The following RREB1 variants were observed in gnomAD, a reference collection of about 807,000 sequenced individuals.
The protein encoded by RREB1 is ras-responsive element-binding protein 1.
Under a neutral mutation model 117.8 loss-of-function variants are expected in RREB1, and 27 were observed. The observed-to-expected ratio is 0.23, with a 90% confidence interval of 0.17 to 0.32. RREB1 has a LOEUF of 0.32. Among genes scored for constraint, RREB1 ranks in the 10% least tolerant of loss-of-function variants. RREB1 has a pLI of 1.00. For synonymous variants in RREB1, 1,298 were observed against 1,026.7 expected (o/e 1.26, Z -5.05); for missense variants, 2,577 against 2,378.2 (o/e 1.08, Z -1.74).
At chr6:7,203,622 C>T (rs1287313288) in intron 6 of RREB1, among the ~76,000 whole-genome samples, 1 of 152,118 alleles carries the variant, frequency 6.6e-6, no homozygotes, top group Non-Finnish European at 1.5e-5. Context: ...AAAGCGTTTG[C>T]TTATAAGGAA....
Position 7,246,415 on chromosome 6 carries a change from G to T in RREB1, c.3974-9G>T, listed in dbSNP as rs149294211. 1.4e-6 allele frequency: 2 copies of T among 1,470,150 alleles called. No homozygotes were observed. Among genetic ancestry groups the T allele is most frequent in the Non-Finnish European group, 1.8e-6 (2 of 1,108,238 alleles). 91.1% of individuals were successfully genotyped at this position (1,470,150 alleles called of 1,614,324 possible). On this transcript the variant is annotated splice_polypyrimidine_tract_variant and intron_variant, in intron 11 of 12. Transcript: ENST00000379938. ...CCTCTGAGCCCTCCCCGCTGTGCTT[G>T]CCCCACAGACAGTCAGTCGGATGCG...
At chr6:7,233,264 T>C (rs951423506) in intron 10 of RREB1, among the ~76,000 whole-genome samples, 5 of 152,364 alleles carry the variant, frequency 3.3e-5, no homozygotes, top group African/African-American at 1.2e-4. Flanking sequence ...AGGATAGGAA[T>C]ATACTTTAAA....
rs772248690 is a variant in RREB1 at position 7,182,030 on chromosome 6, T to C, written c.119T>C (p.Ile40Thr). The change falls in exon 4 of 13, where the codon ATC (isoleucine) becomes ACC (threonine). Residue 40 changes from isoleucine to threonine, a missense_variant. By Grantham distance (89) the Ile-to-Thr change is moderately conservative. Coordinates refer to ENST00000379938, the MANE Select transcript of RREB1 (RefSeq NM_001003699.4). ...VTENGGSPQG[I>T]KSPSKPPGPN... ...GAGAATGGCGGGAGCCCCCAGGGGA[T>C]CAAGTCCCCCTCGAAGCCTCCAGGA... 5 of 1,613,776 alleles carry C rather than the reference T, an allele frequency of 3.1e-6. No individual in the cohort carries two copies. The highest frequency in any genetic ancestry group is 4.2e-6 in the Non-Finnish European group (5 of 1,179,904).
At chr6:7,121,548 T>G (rs535062608) in intron 1 of RREB1, among the ~76,000 whole-genome samples, 1 of 152,250 alleles carries the variant, frequency 6.6e-6, no homozygotes, top group African/African-American at 2.4e-5. Context: ...ACATAGTTCA[T>G]TCAGTCAGCA....
chr6:7,189,020 A>G (rs1765253969), intron 5 of RREB1, 139 bp from the exon 6 acceptor site: 15 of 759,906 alleles, frequency 2.0e-5, no homozygotes, highest in East Asian at 2.9e-5. Flanking sequence ...CCCTTCAGAA[A>G]GATATTTAAA....
intron 10 of RREB1, 105 bp from the exon 11 acceptor site, chr6:7,240,333 A>T: frequency 2.7e-6 from 2 of 745,750 alleles, no homozygotes; most frequent in Non-Finnish European, 4.2e-6. Context: ...GGGATGGAGG[A>T]GGGGGGAACA....
rs865926009 is a variant in RREB1 at position 7,231,439 on chromosome 6, A to G, written c.3340A>G (p.Thr1114Ala). ...LGGSVPKAAT[T>A]ATPAATTSPK... ...AGGTTCTGTCCCCAAAGCCGCCACCACCGCCACCCCCGCTGCCACCACCAG... is the reference window on the plus strand; with the variant it reads ...AGGTTCTGTCCCCAAAGCCGCCACCGCCGCCACCCCCGCTGCCACCACCAG... The change falls in exon 10 of 13, where the codon ACC (threonine) becomes GCC (alanine). Residue 1114 changes from threonine (T) to alanine (A), a missense_variant. Thr to Ala is a moderately conservative substitution (Grantham distance 58, BLOSUM62 0). Coordinates refer to ENST00000379938, the MANE Select transcript of RREB1 (RefSeq NM_001003699.4). The G allele has an allele frequency of 1.9e-6, 3 of 1,612,400 alleles. No homozygotes were observed. The highest frequency in any genetic ancestry group is 2.5e-6 in the Non-Finnish European group (3 of 1,179,594).
At position 7,196,151 on chromosome 6, in the gene RREB1, G is replaced by A. The variant is rs540183349; in HGVS notation, c.425+6829G>A. Among the ~76,000 whole-genome samples the A allele has an allele frequency of 5.9e-5, 9 of 151,668 alleles. No homozygotes were observed. The East Asian group carries it at 1.8e-3, about 30-fold the overall frequency. On this transcript the variant is annotated intron_variant, in intron 6 of 12. Transcript: ENST00000379938. Reference sequence around the variant, plus strand: ...CTCTTCCAGATGAGCCCAGCCCTCCGGTGTTGCCTGCTTGAGGCAGATCTG... The same window carrying A: ...CTCTTCCAGATGAGCCCAGCCCTCCAGTGTTGCCTGCTTGAGGCAGATCTG...
intron 6 of RREB1, among the ~76,000 whole-genome samples, chr6:7,199,141 T>C (rs1245941968): frequency 3.9e-5 from 6 of 152,236 alleles, no homozygotes; most frequent in African/African-American, 1.2e-4. Context: ...ACATTTTCTT[T>C]GGTGCTTCTG....
In RREB1 at chr6:7,172,692, G is replaced by C. The variant is rs369723631; in HGVS notation, c.-284-3963G>C. On this transcript the variant is annotated intron_variant, in intron 1 of 12. Coordinates refer to ENST00000379938, the MANE Select transcript of RREB1 (RefSeq NM_001003699.4). ...TGTGCCAGCCACGGGTTGCCGGTGT[G>C]GGGGGGTGGGGGTGACTTTCTTGGG... Among the ~76,000 whole-genome samples the C allele has an allele frequency of 7.3e-3, 988 of 135,068 alleles. 15 individuals carry two copies. Among genetic ancestry groups the C allele is most frequent in the African/African-American group, 0.026 (933 of 35,478 alleles). The allele number at this position is 135,068 out of a possible 152,430, so 88.6% of individuals were successfully genotyped here. A position where few individuals can be genotyped will look rare whatever the true frequency, so the allele number is the denominator to read the frequency against.
intron 4 of RREB1, among the ~76,000 whole-genome samples, chr6:7,186,914 GCCCA>G (rs1765110528): frequency 6.6e-6 from 1 of 152,184 alleles, no homozygotes; most frequent in South Asian, 2.1e-4. Flanking sequence ...GCAGGGGCAT[GCCCA>G]CTGGGTGCAC....
intron 6 of RREB1, among the ~76,000 whole-genome samples, chr6:7,203,323 C>T (rs1035618922): frequency 3.9e-5 from 6 of 152,228 alleles, no homozygotes; most frequent in Non-Finnish European, 8.8e-5. Flanking sequence ...CACCACTGCA[C>T]TCTAGCCTGG....
chr6:7,118,842 T>C (rs1163218127), intron 1 of RREB1, among the ~76,000 whole-genome samples: 1 of 131,660 alleles, frequency 7.6e-6, no homozygotes, highest in Non-Finnish European at 1.6e-5. Context: ...AGAGACAGGG[T>C]TTCACCATGT....
At chr6:7,189,658 G>A (rs1459397483) in intron 6 of RREB1, among the ~76,000 whole-genome samples, 3 of 152,150 alleles carry the variant, frequency 2.0e-5, no homozygotes, top group Non-Finnish European at 2.9e-5. Flanking sequence ...ACGTAACCCT[G>A]CCATTTAAAA....
chr6:7,188,151 G>A (rs1013426199), intron 5 of RREB1, among the ~76,000 whole-genome samples: 14 of 152,248 alleles, frequency 9.2e-5, no homozygotes, highest in African/African-American at 3.4e-4. Flanking sequence ...CTGGGTGACA[G>A]ACCGGGACTC....
At chr6:7,113,368 G>A (rs543208080) in intron 1 of RREB1, among the ~76,000 whole-genome samples, 60 of 152,264 alleles carry the variant, frequency 3.9e-4, no homozygotes, top group African/African-American at 1.4e-3. Flanking sequence ...AGAGACTATG[G>A]GATAGAATTG....
intron 6 of RREB1, among the ~76,000 whole-genome samples, chr6:7,196,572 TTAC>T (rs1251928090): frequency 6.6e-6 from 1 of 152,200 alleles, no homozygotes; most frequent in Non-Finnish European, 1.5e-5. Context: ...AGCCTATAAC[TTAC>T]TATACTTTTT....
At chr6:7,117,388 G>GTTTTTTTTTTTTTTTTTTTT (rs70978941) in intron 1 of RREB1, among the ~76,000 whole-genome samples, 11 of 63,294 alleles carry the variant, frequency 1.7e-4, no homozygotes, top group East Asian at 1.0e-3. Context: ...TAGGTTTCCT[G>GTTTTTTTTTTTTTTTTTTTT]TTTTTTTTTT....
rs1178867692 is a variant in RREB1, at chr6:7,230,919, C to T, written c.2820C>T (p.Pro940=). The T allele has an allele frequency of 2.5e-6, 4 of 1,613,972 alleles. No individual in the cohort carries two copies. The highest frequency in any genetic ancestry group is 2.2e-5 in the East Asian group (1 of 44,898). Residue 940 remains proline (P), a synonymous_variant, in exon 10 of 13, where the codon CCC becomes CCT. Coordinates refer to ENST00000379938, the MANE Select transcript of RREB1 (RefSeq NM_001003699.4). ...CSMEPIDLSI[P]KNFRKGDKDL... is the part of the protein sequence containing the mutation. ...TGGAGCCCATCGACCTGTCCATCCC[C>T]AAGAACTTCAGGAAAGGGGACAAGG...
Sources: allele counts gnomAD v4.1 joint callset (sites outside exome capture counted in the v4.1 genomes callset), GRCh38; gene constraint gnomAD v4.1.1; transcripts MANE v1.5; gene names NCBI Gene and HGNC (gene_info 2026-07-23, HGNC 2026-07-21).